Variants in PIGS observed in about 807,000 individuals in gnomAD.
PIGS encodes the protein phosphatidylinositol glycan anchor biosynthesis class S.
In PIGS, 37 loss-of-function variants were observed where a neutral mutation model predicts 58.2. The ratio of observed to expected loss-of-function variants is 0.64; its 90% CI spans 0.49 to 0.84. The LOEUF (loss-of-function observed/expected upper bound fraction) is 0.84. Among genes scored for constraint, PIGS ranks in the 40% least tolerant of loss-of-function variants. PIGS has a pLI of 0.00. For missense variants in PIGS, 629 were observed against 710.8 expected (o/e 0.88, Z 1.31); for synonymous variants, 269 against 289.2 (o/e 0.93, Z 0.71).
At chr17:28,571,436 A>T in intron 1 of PIGS, 27 bp downstream of exon 1, 1 of 1,608,364 alleles carries the variant, frequency 6.2e-7, no homozygotes, top group Non-Finnish European at 8.5e-7. Context: ...AGCTAGCTGC[A>T]GGCCCCCCAC....
intron 10 of PIGS, 67 bp downstream of exon 10, chr17:28,556,099 T>G (rs982801177): frequency 1.4e-6 from 2 of 1,447,654 alleles, no homozygotes; most frequent in Admixed American, 1.7e-5. Context: ...AAGACTTGAT[T>G]CCACTTTGCA....
chr17:28,556,761 C>CAGTTTCAGG, intron 9 of PIGS, 66 bp downstream of exon 9: 1 of 1,554,784 alleles, frequency 6.4e-7, no homozygotes, highest in Non-Finnish European at 8.7e-7. Flanking sequence ...AGAAGGAACA[C>CAGTTTCAGG]AGTTTCAGGG....
At position 28,558,575 on chromosome 17, in the gene PIGS, T is replaced by A. The variant is rs776231391; in HGVS notation, c.835A>T (p.Met279Leu). 1 of 1,610,754 alleles carries A rather than the reference T, an allele frequency of 6.2e-7. No individual in the cohort carries two copies. Among genetic ancestry groups the A allele is most frequent in the Non-Finnish European group, 8.5e-7 (1 of 1,178,400 alleles). ...SVDSQILYYA[M>L]LGVNPRFDSA... ...TCAAAGCGGGGATTCACCCCCAACA[T>A]TGCATAGTAAAGAATCTGTAGAGCA... is the stretch of plus-strand genomic sequence containing the variant. Residue 279 changes from methionine to leucine, a missense_variant, in exon 8 of 12, where the codon ATG (methionine) becomes TTG (leucine). Coordinates refer to ENST00000308360, the MANE Select transcript of PIGS (RefSeq NM_033198.4).
intron 3 of PIGS, among the ~76,000 whole-genome samples, chr17:28,565,176 A>G: frequency 6.6e-6 from 1 of 152,234 alleles, no homozygotes; most frequent in Admixed American, 6.5e-5. Context: ...ATGACTAGAT[A>G]CAAGGATATG....
At chr17:28,561,828 C>A in intron 5 of PIGS, 199 bp from the exon 6 acceptor site, 1 of 569,928 alleles carries the variant, frequency 1.8e-6, no homozygotes, top group Non-Finnish European at 3.0e-6. Context: ...CCGTTCTCTT[C>A]TTTTTCCCAG....
intron 6 of PIGS, 196 bp from the exon 7 acceptor site, chr17:28,560,387 T>A (rs915547888): frequency 3.4e-6 from 2 of 589,986 alleles, no homozygotes; most frequent in African/African-American, 1.9e-5. Context: ...CTCATGTCTG[T>A]AATCCCAGCA....
At chr17:28,569,430 G>A (rs553174856) in intron 3 of PIGS, among the ~76,000 whole-genome samples, 37 of 148,734 alleles carry the variant, frequency 2.5e-4, no homozygotes, top group South Asian at 1.3e-3. Context: ...GGCCCTGATC[G>A]TGCCACCATA....
chr17:28,566,908 T>C (rs896019791), intron 3 of PIGS, among the ~76,000 whole-genome samples: 1 of 152,150 alleles, frequency 6.6e-6, no homozygotes, highest in Non-Finnish European at 1.5e-5. Context: ...CCAGTAGTCC[T>C]ACCTACTTGG....
intron 3 of PIGS, among the ~76,000 whole-genome samples, chr17:28,565,833 C>G (rs184870644): frequency 1.3e-5 from 2 of 152,142 alleles, no homozygotes; most frequent in Non-Finnish European, 2.9e-5. Context: ...AGTTCAAGAC[C>G]AGCCTGGCCA....
In PIGS at chr17:28,571,139, G is replaced by T. The variant is rs760060063; in HGVS notation, c.84C>A (p.Ile28=). ...TCCACCAGAGCGGTAGCCCCAGCAC[G>T]ATGGCCACCGCAGCGAAGAAGAGGG... ...RAALFFAAVA[I]VLGLPLWWKT... is the part of the protein sequence containing the mutation. The change falls in exon 2 of 12, where the codon ATC becomes ATA. Residue 28 remains isoleucine, a synonymous_variant. Coordinates refer to ENST00000308360, the MANE Select transcript of PIGS (RefSeq NM_033198.4). The T allele has an allele frequency of 6.8e-6, 11 of 1,613,806 alleles. No homozygotes were observed. Among genetic ancestry groups the T allele is most frequent in the Non-Finnish European group, 9.3e-6 (11 of 1,180,006 alleles).
chr17:28,563,821 G>A lies in PIGS; in HGVS notation c.373C>T (p.Gln125Ter), dbSNP rs1264163955. ...GTGTGCTCATCCCTTCCCATACCTT[G>A]CACACTGCCCGATGACAGGGCCTCC... ...EEEALSSGSV[Q>*]EAEAMLDEPQ... Residue 125 changes from glutamine to a stop codon, truncating the protein, a stop_gained, in exon 4 of 12, where the codon CAA becomes TAA. Transcript: ENST00000308360. LOFTEE classifies it high-confidence loss of function. The A allele has an allele frequency of 6.2e-7, 1 of 1,612,460 alleles. No individual in the cohort carries two copies.
chr17:28,566,607 T>C (rs2070396131), intron 3 of PIGS, among the ~76,000 whole-genome samples: 1 of 149,830 alleles, frequency 6.7e-6, no homozygotes, highest in African/African-American at 2.5e-5. Context: ...TTTTTTTTTT[T>C]TTTTGAGACA....
rs766652109 is a variant in PIGS at position 28,554,303 on chromosome 17, T to C, written c.1585A>G (p.Met529Val). The C allele has an allele frequency of 8.7e-6, 14 of 1,614,096 alleles. No homozygotes were observed. The highest frequency in any genetic ancestry group is 1.6e-4 in the Middle Eastern group (1 of 6,062). Residue 529 changes from methionine (M) to valine (V), a missense_variant, in exon 12 of 12, where the codon ATG becomes GTG. Transcript: ENST00000308360. The stretch of plus-strand genomic sequence containing the variant: ...AGGGACAGGAGGATGGGCACAGCCA[T>C]AGGCAGGAAGAGTGGGATGTAGATG... ...FAIYIPLFLP[M>V]AVPILLSLVK...
intron 5 of PIGS, among the ~76,000 whole-genome samples, chr17:28,562,155 A>C (rs931602582): frequency 6.6e-6 from 1 of 152,250 alleles, no homozygotes; most frequent in African/African-American, 2.4e-5. Flanking sequence ...GAATAAAATA[A>C]AAGTGGCAGA....
chr17:28,560,432 C>A, intron 6 of PIGS: 1 of 452,038 alleles, frequency 2.2e-6, no homozygotes, highest in Non-Finnish European at 3.9e-6. Context: ...TCACTTGAGG[C>A]CAGCACTTCA....
rs1469115368 is a variant in PIGS, at chr17:28,554,980, C to T, written c.1263G>A (p.Trp421Ter). The T allele has an allele frequency of 6.2e-7, 1 of 1,611,326 alleles. No homozygotes were observed. The highest frequency in any genetic ancestry group is 1.7e-5 in the Admixed American group (1 of 59,786). ...SGPTSEGLMT[W>*]ELDRLLWARS... Reference sequence around the variant, plus strand: ...GAGCCCAGAGCAGCCGGTCTAGCTCCCAGGTCATTAGCCCTTCACTCGTAG... The same window carrying T: ...GAGCCCAGAGCAGCCGGTCTAGCTCTCAGGTCATTAGCCCTTCACTCGTAG... Residue 421 changes from tryptophan to a stop codon, truncating the protein, a stop_gained, in exon 11 of 12, where the codon TGG becomes TGA. Transcript: ENST00000308360. LOFTEE classifies it high-confidence loss of function.
chr17:28,563,368 G>C lies in PIGS; in HGVS notation c.468+63C>G. ...ATGGGTAGCAATGATGCAAGAAGGA[G>C]GTGACCCAGGAGTCCACGAGCTGAA... On this transcript the variant is annotated intron_variant, in intron 5 of 11. Transcript: ENST00000308360. 8.3e-6 allele frequency: 11 copies of C among 1,321,152 alleles called. No homozygotes were observed. The South Asian group carries it at 1.3e-4, about 16-fold the overall frequency. 81.8% of individuals were successfully genotyped at this position (1,321,152 alleles called of 1,614,324 possible). A position where few individuals can be genotyped will look rare whatever the true frequency, so the allele number is the denominator to read the frequency against.
chr17:28,569,301 A>G (rs2070413258), intron 3 of PIGS, among the ~76,000 whole-genome samples: 1 of 151,770 alleles, frequency 6.6e-6, no homozygotes, highest in Non-Finnish European at 1.5e-5. Context: ...CCCTATCTCT[A>G]CTAAAAATAC....
chr17:28,570,071 C>T lies in PIGS; in HGVS notation c.286+781G>A, dbSNP rs753170541. Among the ~76,000 whole-genome samples, 10 of 152,324 alleles carry T rather than the reference C, an allele frequency of 6.6e-5. No homozygotes were observed. In the East Asian group the frequency reaches 1.9e-3, roughly 29 times the overall value. ...GATGGTTAATACTCTTTACTAAGTG[C>T]AATCTCTGTTTCTTGTATACTTCTA... On this transcript the variant is annotated intron_variant, in intron 3 of 11. Coordinates refer to ENST00000308360, the MANE Select transcript of PIGS (RefSeq NM_033198.4).
Sources: gnomAD v4.1 joint callset for allele counts (sites outside exome capture counted in the v4.1 genomes callset) on GRCh38, gnomAD v4.1.1 for gene constraint, MANE v1.5 for transcripts, NCBI Gene and HGNC (gene_info 2026-07-23, HGNC 2026-07-21) for gene names.